Variants in SLC25A26 observed in about 807,000 individuals in gnomAD.
SLC25A26 encodes the protein mitochondrial S-adenosylmethionine carrier protein.
A neutral mutation model predicts 37.8 loss-of-function variants in SLC25A26; 36 were observed. The ratio of observed to expected loss-of-function variants is 0.95; its 90% CI spans 0.73 to 1.26. SLC25A26 has a LOEUF of 1.26. Ranked by LOEUF, SLC25A26 falls within the 50% of genes most tolerant of loss-of-function variation. SLC25A26 has a pLI of 0.00. For synonymous variants in SLC25A26, 129 were observed against 122.5 expected (o/e 1.05, Z -0.35); for missense variants, 390 against 331.1 (o/e 1.18, Z -1.38).
chr3:66,217,133 T>G (rs1342782465), upstream of SLC25A26, among the ~76,000 whole-genome samples: 9 of 152,356 alleles, frequency 5.9e-5, no homozygotes, highest in East Asian at 1.7e-3. Context: ...AACACAATTT[T>G]TTCTTGCAAA....
At chr3:66,142,904 C>T (rs891344120) in intron 1 of SLC25A26, among the ~76,000 whole-genome samples, 1 of 152,112 alleles carries the variant, frequency 6.6e-6, no homozygotes, top group Admixed American at 6.6e-5. Context: ...GCTGGGATTA[C>T]AGGCAGCACC....
chr3:66,220,275 T>G (rs187078497), upstream of SLC25A26, among the ~76,000 whole-genome samples: 224 of 152,350 alleles, frequency 1.5e-3, 1 homozygote, highest in African/African-American at 5.2e-3. Context: ...AAAATGTCTG[T>G]CAATCACTTA....
At chr3:66,225,631 A>G (rs542149896) in intron 1 of SLC25A26, among the ~76,000 whole-genome samples, 8 of 152,314 alleles carry the variant, frequency 5.3e-5, no homozygotes, top group African/African-American at 1.9e-4. Flanking sequence ...TTCTGCAGCC[A>G]GCTTGAATTT....
chr3:66,312,596 A>G (rs1160906851), intron 5 of SLC25A26, among the ~76,000 whole-genome samples: 1 of 151,922 alleles, frequency 6.6e-6, no homozygotes, highest in Non-Finnish European at 1.5e-5. Context: ...ACAGCCACCC[A>G]GTTTTGTGCT....
chr3:66,196,163 C>T (rs2071041818), intron 1 of SLC25A26, among the ~76,000 whole-genome samples: 1 of 151,872 alleles, frequency 6.6e-6, no homozygotes, highest in Admixed American at 6.6e-5. Context: ...TTTCTCTAGA[C>T]ATAAGGAAAA....
chr3:66,197,698 G>C (rs2071063626), intron 1 of SLC25A26, among the ~76,000 whole-genome samples: 1 of 152,096 alleles, frequency 6.6e-6, no homozygotes, highest in Non-Finnish European at 1.5e-5. Flanking sequence ...TGCGTGTCAG[G>C]TTCATGGTCA....
At chr3:66,341,234 C>A (rs1299897379) in intron 5 of SLC25A26, among the ~76,000 whole-genome samples, 1 of 152,070 alleles carries the variant, frequency 6.6e-6, no homozygotes, top group Non-Finnish European at 1.5e-5. Flanking sequence ...TATATTTTAT[C>A]AGATTGAGGA....
chr3:66,354,039 T>C (rs969968438), intron 6 of SLC25A26, among the ~76,000 whole-genome samples: 1 of 152,250 alleles, frequency 6.6e-6, no homozygotes, highest in Non-Finnish European at 1.5e-5. Context: ...CTTTTAAAGG[T>C]ATGTTCACAG....
chr3:66,321,064 T>TA (rs1439182446), intron 5 of SLC25A26, among the ~76,000 whole-genome samples: 1 of 151,996 alleles, frequency 6.6e-6, no homozygotes, highest in East Asian at 1.9e-4. Flanking sequence ...AGCATCTTTA[T>TA]AAAAAACACC....
At chr3:66,260,182 T>G (rs1056740219) in intron 3 of SLC25A26, among the ~76,000 whole-genome samples, 1 of 152,148 alleles carries the variant, frequency 6.6e-6, no homozygotes, top group African/African-American at 2.4e-5. Flanking sequence ...CCCATAATCT[T>G]TGTCCATGCG....
At chr3:66,208,990 T>A (rs1216402320) in intron 1 of SLC25A26, among the ~76,000 whole-genome samples, 63 of 59,912 alleles carry the variant, frequency 1.1e-3, no homozygotes, top group Non-Finnish European at 1.8e-3. Flanking sequence ...ATATATATAT[T>A]TATGTACCCA....
intron 1 of SLC25A26, among the ~76,000 whole-genome samples, chr3:66,225,427 G>A (rs942709013): frequency 9.2e-5 from 14 of 152,248 alleles, no homozygotes; most frequent in Middle Eastern, 3.4e-3. Flanking sequence ...TAATGGCTGG[G>A]ACACAGGGCA....
chr3:66,352,396 G>A (rs964049893), intron 6 of SLC25A26, among the ~76,000 whole-genome samples: 4 of 150,366 alleles, frequency 2.7e-5, no homozygotes, highest in Non-Finnish European at 5.9e-5. Context: ...TGCGCTGACT[G>A]TGCTGCTGCC....
chr3:66,299,280 C>T (rs1233251079), intron 5 of SLC25A26, among the ~76,000 whole-genome samples: 1 of 152,136 alleles, frequency 6.6e-6, no homozygotes, highest in African/African-American at 2.4e-5. Flanking sequence ...CAACCTCCGC[C>T]TCCTGGGTTC....
chr3:66,352,131 C>T (rs1182288943), intron 6 of SLC25A26, among the ~76,000 whole-genome samples: 1 of 152,228 alleles, frequency 6.6e-6, no homozygotes, highest in South Asian at 2.1e-4. Context: ...TACCTGTAGT[C>T]CCAACTATGT....
At chr3:66,179,886 C>T (rs1203876365) in intron 1 of SLC25A26, among the ~76,000 whole-genome samples, 1 of 152,052 alleles carries the variant, frequency 6.6e-6, no homozygotes, top group Non-Finnish European at 1.5e-5. Context: ...ATAAAATGTG[C>T]CAGATTGATG....
chr3:66,229,639 A>T (rs1328734866), intron 1 of SLC25A26, among the ~76,000 whole-genome samples: 1 of 152,212 alleles, frequency 6.6e-6, no homozygotes, highest in East Asian at 1.9e-4. Flanking sequence ...GCTGTGAGTC[A>T]ACTAAACCTC....
At chr3:66,283,427 T>C (rs1483171929) in intron 5 of SLC25A26, among the ~76,000 whole-genome samples, 2 of 152,076 alleles carry the variant, frequency 1.3e-5, no homozygotes, top group Non-Finnish European at 2.9e-5. Context: ...ACTATAGACA[T>C]GTACCACCAT....
At position 66,279,770 on chromosome 3, in the gene SLC25A26, T is replaced by G. The variant is rs143786603; in HGVS notation, c.453+16391T>G. 1.6e-3 allele frequency among the ~76,000 whole-genome samples: 247 copies of G among 152,338 alleles called. 1 individual carries two copies. The highest frequency in any genetic ancestry group is 3.4e-3 in the Middle Eastern group (1 of 294). ...GTGGTTAAATTGATCTGTGGGAGTC[T>G]TACAAACTGATTACCAAGTTTCTGA... On this transcript the variant is annotated intron_variant, in intron 5 of 9. Coordinates refer to ENST00000354883, the MANE Select transcript of SLC25A26 (RefSeq NM_001379210.1).
Sources: allele counts gnomAD v4.1 joint callset (sites outside exome capture counted in the v4.1 genomes callset), GRCh38; gene constraint gnomAD v4.1.1; transcripts MANE v1.5; gene names NCBI Gene and HGNC (gene_info 2026-07-23, HGNC 2026-07-21).